The following XK variants were observed in gnomAD, a reference collection of about 807,000 sequenced individuals.
XK encodes X-linked Kx blood group antigen, Kell and VPS13A binding protein.
In XK, 2 loss-of-function variants were observed where a neutral mutation model predicts 14.0. The observed-to-expected ratio is 0.14, with a 90% CI of 0.06 to 0.45. The LOEUF (loss-of-function observed/expected upper bound fraction) is 0.45, where lower values mean the gene tolerates loss of function less well. XK is among the 20% of genes least tolerant of loss of function. XK has a pLI of 0.98. For missense variants in XK, 235 were observed against 341.5 expected, an observed-to-expected ratio of 0.69 and a Z score of 2.46; for synonymous variants, 149 against 147.5, an observed-to-expected ratio of 1.01 and a Z score of -0.08.
chrX:37,696,853 A>G (rs782674878), intron 2 of XK, among the ~76,000 whole-genome samples: 3 of 112,345 alleles, frequency 2.7e-5, no homozygotes, highest in Admixed American at 9.4e-5. Flanking sequence ...TCATAGCTAC[A>G]TTCAAAATAG....
At chrX:37,693,375 CAG>C (rs1927240213) in intron 1 of XK, among the ~76,000 whole-genome samples, 1 of 111,235 alleles carries the variant, frequency 9.0e-6, no homozygotes, top group South Asian at 3.8e-4. Flanking sequence ...TTCAAACACA[CAG>C]AAGACAAGTT....
At chrX:37,720,813 G>A (rs1391287259) in intron 2 of XK, among the ~76,000 whole-genome samples, 1 of 110,943 alleles carries the variant, frequency 9.0e-6, no homozygotes, top group African/African-American at 3.3e-5. Flanking sequence ...TAGGATAATG[G>A]CCTCTGGTTC....
At chrX:37,713,651 G>T (rs1927711323) in intron 2 of XK, among the ~76,000 whole-genome samples, 1 of 108,968 alleles carries the variant, frequency 9.2e-6, no homozygotes, top group Non-Finnish European at 1.9e-5. Flanking sequence ...AGCCAAGATT[G>T]GGTCACATGT....
intron 1 of XK, among the ~76,000 whole-genome samples, chrX:37,688,956 C>T (rs1927151863): frequency 9.0e-6 from 1 of 111,142 alleles, no homozygotes; most frequent in Non-Finnish European, 1.9e-5. Context: ...CAGTTTTTAC[C>T]ATAAAAATAT....
intron 2 of XK, among the ~76,000 whole-genome samples, chrX:37,720,614 G>A (rs1295260646): frequency 2.7e-5 from 3 of 109,858 alleles, no homozygotes; most frequent in Non-Finnish European, 3.8e-5. Flanking sequence ...TACTTCTTCC[G>A]TCACCCAAAT....
At position 37,686,044 on chromosome X, in the gene XK, A is replaced by G; in HGVS notation, c.83A>G (p.Tyr28Cys). ...GCGGCGCTCAGCCTGAGCAGCACCT[A>G]CCGCTCGGGCGGGGACCGCATGTGG... ...TTAALSLSSTYRSGGDRMWQA... is the reference protein window; with the variant it reads ...TTAALSLSSTCRSGGDRMWQA... Residue 28 changes from tyrosine (Y) to cysteine (C), a missense_variant, in exon 1 of 3, where the codon TAC (tyrosine) becomes TGC (cysteine). By Grantham distance (194) the Tyr-to-Cys change is radical. Transcript: ENST00000378616. The G allele has an allele frequency of 8.3e-7, 1 of 1,210,623 alleles. No individual in the cohort carries two copies. Among genetic ancestry groups the G allele is most frequent in the Non-Finnish European group, 1.1e-6 (1 of 895,193 alleles).
At chrX:37,702,093 G>A (rs984937182) in intron 2 of XK, among the ~76,000 whole-genome samples, 4 of 111,768 alleles carry the variant, frequency 3.6e-5, no homozygotes, top group Admixed American at 2.9e-4. Context: ...GTTTCACTTC[G>A]GCCAGGGGAG....
intron 2 of XK, among the ~76,000 whole-genome samples, chrX:37,727,279 G>A (rs182484551): frequency 8.1e-4 from 90 of 111,515 alleles, no homozygotes; most frequent in Middle Eastern, 4.7e-3. Flanking sequence ...AATCCAAAGA[G>A]CAAATACTAG....
chrX:37,709,871 A>G (rs1319324605), intron 2 of XK, among the ~76,000 whole-genome samples: 1 of 111,799 alleles, frequency 8.9e-6, no homozygotes, highest in Non-Finnish European at 1.9e-5. Flanking sequence ...AGACATATAG[A>G]CATACAGATA....
At chrX:37,720,049 T>C (rs782423889) in intron 2 of XK, among the ~76,000 whole-genome samples, 31 of 111,210 alleles carry the variant, frequency 2.8e-4, no homozygotes, top group African/African-American at 1.0e-3. Flanking sequence ...TCCTTACTCC[T>C]GATGTCCTTT....
chrX:37,700,326 G>C (rs1452668316), intron 2 of XK, among the ~76,000 whole-genome samples: 1 of 111,694 alleles, frequency 9.0e-6, no homozygotes, highest in African/African-American at 3.3e-5. Context: ...TTGGGTCTGA[G>C]AACCTGGCAG....
intron 2 of XK, among the ~76,000 whole-genome samples, chrX:37,706,452 G>A (rs1267441929): frequency 2.7e-5 from 3 of 110,354 alleles, no homozygotes; most frequent in African/African-American, 9.9e-5. Flanking sequence ...AATATTTTAG[G>A]CTAAATTATG....
intron 2 of XK, among the ~76,000 whole-genome samples, chrX:37,704,428 A>G (rs1927471542): frequency 9.0e-6 from 1 of 111,558 alleles, no homozygotes; most frequent in African/African-American, 3.3e-5. Flanking sequence ...TCTCAGCTAC[A>G]TGGGAAGCTG....
In XK at chrX:37,700,333, G is replaced by A. The variant is rs782459164; in HGVS notation, c.508+5785G>A. Among the ~76,000 whole-genome samples the A allele has an allele frequency of 6.9e-4, 77 of 111,672 alleles. No individual in the cohort carries two copies. The Admixed American group carries it at 7.0e-3, about 10-fold the overall frequency. On this transcript the variant is annotated intron_variant, in intron 2 of 2. Transcript: ENST00000378616. ...AGGGATGCTTGGGTCTGAGAACCTG[G>A]CAGGACTTCATCAACAATTTCATCC...
At chrX:37,688,355 C>T (rs1556440777) in intron 1 of XK, among the ~76,000 whole-genome samples, 1 of 111,217 alleles carries the variant, frequency 9.0e-6, no homozygotes, top group African/African-American at 3.3e-5. Context: ...CGTGAGCCAC[C>T]GTGCCCGGCC....
rs782213496 is a variant in XK at position 37,704,072 on chromosome X, T to TGGTG, written c.508+9525_508+9528dup. 9.8e-3 allele frequency among the ~76,000 whole-genome samples: 1,098 copies of TGGTG among 112,147 alleles called. 6 individuals are homozygous for TGGTG. Among genetic ancestry groups the TGGTG allele is most frequent in the Non-Finnish European group, 0.017 (901 of 53,186 alleles). ...TGTCCACTAACCATTATCTTAAATG[T>TGGTG]GGTGATGTGATGTCATGAGAAGCCT... On this transcript the variant is annotated intron_variant, in intron 2 of 2. Transcript: ENST00000378616.
Position 37,728,733 on chromosome X carries a change from A to G in XK, c.*271A>G. ...AGGCATTACTGGCCTTTTCACTGAC[A>G]AGTTACCCCTGAAATCTGAGTTGTA... On this transcript the variant is annotated 3_prime_UTR_variant, in exon 3 of 3. Coordinates refer to ENST00000378616, the MANE Select transcript of XK (RefSeq NM_021083.4). 2.8e-6 allele frequency: 1 copy of G among 361,292 alleles called. No individual in the cohort carries two copies. Among genetic ancestry groups the G allele is most frequent in the Non-Finnish European group, 4.9e-6 (1 of 204,346 alleles). 29.8% of individuals were successfully genotyped at this position (361,292 alleles called of 1,213,427 possible). A position where few individuals can be genotyped will look rare whatever the true frequency, so the allele number is the denominator to read the frequency against.
intron 2 of XK, among the ~76,000 whole-genome samples, chrX:37,695,746 G>A (rs1927294868): frequency 8.9e-6 from 1 of 111,976 alleles, no homozygotes; most frequent in Non-Finnish European, 1.9e-5. Context: ...ACATGTTAGA[G>A]CCATCTCCCT....
intron 2 of XK, among the ~76,000 whole-genome samples, chrX:37,711,070 C>G (rs1193518633): frequency 8.9e-6 from 1 of 112,031 alleles, no homozygotes; most frequent in Admixed American, 9.5e-5. Flanking sequence ...TTGCCATCAG[C>G]AAATTCTCTC....
Sources: allele counts gnomAD v4.1 joint callset (sites outside exome capture counted in the v4.1 genomes callset), GRCh38; gene constraint gnomAD v4.1.1; transcripts MANE v1.5; gene names NCBI Gene and HGNC (gene_info 2026-07-23, HGNC 2026-07-21).